Variants in JAK1 observed in about 807,000 individuals in gnomAD.
The protein encoded by JAK1 is tyrosine-protein kinase JAK1.
A neutral mutation model predicts 136.6 loss-of-function variants in JAK1; 16 were observed. That is an observed-to-expected ratio of 0.12 (90% CI 0.08 to 0.18). The LOEUF (loss-of-function observed/expected upper bound fraction) is 0.18. JAK1 is among the 10% of genes least tolerant of loss of function. The pLI is 1.00. For missense variants in JAK1, 859 were observed against 1,450.1 expected (o/e 0.59, Z 6.62); for synonymous variants, 492 against 519.5 (o/e 0.95, Z 0.72).
At chr1:65,016,251 A>T (rs1357183360) in intron 2 of JAK1, among the ~76,000 whole-genome samples, 1 of 152,152 alleles carries the variant, frequency 6.6e-6, no homozygotes, top group Non-Finnish European at 1.5e-5. Flanking sequence ...GTGATGAAAA[A>T]GTTTTCGAAG....
intron 1 of JAK1, among the ~76,000 whole-genome samples, chr1:64,893,665 T>C (rs777620517): frequency 4.6e-5 from 7 of 152,316 alleles, no homozygotes; most frequent in Non-Finnish European, 8.8e-5. Context: ...CAGTTTTCTG[T>C]GAGTATGCGC....
At chr1:65,061,677 C>T (rs1020651686) in intron 1 of JAK1, among the ~76,000 whole-genome samples, 12 of 151,944 alleles carry the variant, frequency 7.9e-5, no homozygotes, top group African/African-American at 2.7e-4. Flanking sequence ...CAAATTTGAC[C>T]ACACTGAGAT....
At chr1:64,966,685 C>T (rs1334746075), upstream of JAK1, among the ~76,000 whole-genome samples, 2 of 150,868 alleles carry the variant, frequency 1.3e-5, no homozygotes, top group Non-Finnish European at 3.0e-5. Context: ...AGACTCTGCG[C>T]CTCCGGCCTA....
Position 65,003,781 on chromosome 1 carries a change from C to G in JAK1, c.-78+40699G>C, listed in dbSNP as rs530123165. The G allele has an allele frequency of 3.5e-4, 54 of 152,226 alleles. No individual in the cohort carries two copies. The East Asian group carries it at 0.01, about 29-fold the overall frequency. The allele number at this position is 152,226 out of a possible 1,614,324, so 9.4% of individuals were successfully genotyped here. A position where few individuals can be genotyped will look rare whatever the true frequency, so the allele number is the denominator to read the frequency against. On this transcript the variant is annotated intron_variant, in intron 2 of 25. Coordinates refer to the JAK1 transcript ENST00000671954. Reference sequence around the variant, plus strand: ...GTAGTAATCTCTGTAAAGCCTTACTCCACTCCCTCTGTCTACGCATCTAAA... The same window carrying G: ...GTAGTAATCTCTGTAAAGCCTTACTGCACTCCCTCTGTCTACGCATCTAAA...
intron 2 of JAK1, chr1:64,994,909 T>C (rs1248037207): frequency 6.7e-6 from 1 of 149,186 alleles, no homozygotes; most frequent in Admixed American, 6.7e-5. Context: ...TCAGGAAGAA[T>C]TACAGTAAGA....
chr1:64,845,237 C>T (rs1459601362), intron 15 of JAK1, among the ~76,000 whole-genome samples: 2 of 152,208 alleles, frequency 1.3e-5, no homozygotes, highest in South Asian at 2.1e-4. Flanking sequence ...TACTGCACTG[C>T]TTTCAGCCTT....
intron 1 of JAK1, among the ~76,000 whole-genome samples, chr1:64,921,952 A>G (rs1199825092): frequency 6.6e-6 from 1 of 151,958 alleles, no homozygotes; most frequent in Non-Finnish European, 1.5e-5. Context: ...AGAGAGATTA[A>G]GTAACTGGCT....
At chr1:65,007,287 T>C (rs976175330) in intron 2 of JAK1, among the ~76,000 whole-genome samples, 1 of 152,102 alleles carries the variant, frequency 6.6e-6, no homozygotes, top group Non-Finnish European at 1.5e-5. Flanking sequence ...TGGTCTCTTG[T>C]CTTCTCTCTG....
intron 8 of JAK1, among the ~76,000 whole-genome samples, chr1:64,864,004 A>C (rs1037874433): frequency 6.6e-6 from 1 of 152,238 alleles, no homozygotes; most frequent in Admixed American, 6.5e-5. Flanking sequence ...CCAAAAGGTT[A>C]TATCAGAAAG....
chr1:64,850,773 A>C, intron 12 of JAK1, 31 bp downstream of exon 12: 1 of 1,471,938 alleles, frequency 6.8e-7, no homozygotes, highest in South Asian at 1.1e-5. Context: ...GCAGGACCAC[A>C]GCTGGCCCAC....
Position 64,943,981 on chromosome 1 carries a change from G to C in JAK1, c.-78+22352C>G, listed in dbSNP as rs549828634. 2.4e-3 allele frequency among the ~76,000 whole-genome samples: 365 copies of C among 151,848 alleles called. 2 individuals are homozygous for C. Among genetic ancestry groups the C allele is most frequent in the African/African-American group, 8.5e-3 (351 of 41,458 alleles). The stretch of plus-strand genomic sequence containing the variant: ...CTCACGCCTGTAATCCCAGCACTTT[G>C]GGAGGCCGAGGTAGGCGGATCACGA... On this transcript the variant is annotated intron_variant, in intron 1 of 24. Transcript: ENST00000342505.
intron 1 of JAK1, among the ~76,000 whole-genome samples, chr1:64,944,898 A>T (rs1557713533): frequency 6.6e-6 from 1 of 152,028 alleles, no homozygotes. Flanking sequence ...CAGAACAAAA[A>T]CTTCCAAGGA....
rs1557613734 is a variant in JAK1 at position 64,833,818 on chromosome 1, G to GAT, written c.*742_*743dup. Reference sequence around the variant, plus strand: ...CATCCAGGTTCTGGGAATGAGTTCTGATTAAAGGTATACTGCTTAGGAAAG... The same window carrying GAT: ...CATCCAGGTTCTGGGAATGAGTTCTGATATTAAAGGTATACTGCTTAGGAAAG... On this transcript the variant is annotated 3_prime_UTR_variant, in exon 25 of 25. Transcript: ENST00000342505. 4.3e-6 allele frequency: 1 copy of GAT among 232,828 alleles called. No individual in the cohort carries two copies. The highest frequency in any genetic ancestry group is 8.5e-6 in the Non-Finnish European group (1 of 117,848). The allele number at this position is 232,828 out of a possible 1,614,324, so 14.4% of individuals were successfully genotyped here. A position where few individuals can be genotyped will look rare whatever the true frequency, so the allele number is the denominator to read the frequency against.
At chr1:64,931,556 G>T (rs918109730) in intron 1 of JAK1, among the ~76,000 whole-genome samples, 4 of 151,970 alleles carry the variant, frequency 2.6e-5, no homozygotes, top group Non-Finnish European at 4.4e-5. Context: ...CTGAGTGGTT[G>T]TATCCTAGGC....
chr1:65,038,202 T>C (rs1006848978), intron 2 of JAK1, among the ~76,000 whole-genome samples: 21 of 149,612 alleles, frequency 1.4e-4, no homozygotes, highest in East Asian at 1.2e-3. Flanking sequence ...TCTTTTCTTT[T>C]TTTTTTTTTT....
chr1:65,039,255 T>C (rs1368452654), intron 2 of JAK1, among the ~76,000 whole-genome samples: 1 of 152,222 alleles, frequency 6.6e-6, no homozygotes, highest in Non-Finnish European at 1.5e-5. Context: ...GCTCTCTTTG[T>C]TCCCACAACT....
At chr1:64,983,674 G>A (rs969158395) in intron 2 of JAK1, among the ~76,000 whole-genome samples, 3 of 152,180 alleles carry the variant, frequency 2.0e-5, no homozygotes, top group African/African-American at 7.2e-5. Flanking sequence ...TTGGTCCAGT[G>A]AGAAGGAACA....
At chr1:65,065,195 G>A (rs1647986141) in intron 1 of JAK1, among the ~76,000 whole-genome samples, 1 of 152,132 alleles carries the variant, frequency 6.6e-6, no homozygotes, top group Non-Finnish European at 1.5e-5. Flanking sequence ...GTGATGTCAT[G>A]GAAGGGAGAC....
intron 2 of JAK1, among the ~76,000 whole-genome samples, chr1:65,003,216 C>A (rs1007856996): frequency 5.3e-5 from 8 of 151,914 alleles, no homozygotes; most frequent in African/African-American, 1.7e-4. Flanking sequence ...TGGCTCCAGG[C>A]GCCCTTTAAG....
Sources: allele counts gnomAD v4.1 joint callset (sites outside exome capture counted in the v4.1 genomes callset), GRCh38; gene constraint gnomAD v4.1.1; transcripts MANE v1.5; gene names NCBI Gene and HGNC (gene_info 2026-07-23, HGNC 2026-07-21).